Variants in CDC37L1 observed in about 807,000 individuals in gnomAD.
CDC37L1 encodes cell division cycle 37 like 1, HSP90 cochaperone.
CDC37L1 carries 32 observed loss-of-function variants against 45.9 expected under a neutral mutation model. The observed-to-expected ratio is 0.70, with a 90% CI of 0.53 to 0.94. The LOEUF (loss-of-function observed/expected upper bound fraction) is 0.94, where lower values mean the gene tolerates loss of function less well. CDC37L1 is among the 40% of genes least tolerant of loss of function. The pLI, the probability that CDC37L1 is intolerant of heterozygous loss-of-function variation, is 0.00. For missense variants in CDC37L1, 434 were observed against 405.7 expected (o/e 1.07, Z -0.60); for synonymous variants, 150 against 133.0 (o/e 1.13, Z -0.88).
At chr9:4,688,219 T>C (rs1841268475) in intron 2 of CDC37L1, among the ~76,000 whole-genome samples, 2 of 152,154 alleles carry the variant, frequency 1.3e-5, no homozygotes, top group Non-Finnish European at 2.9e-5. Flanking sequence ...AGGCTGGTCT[T>C]GAACTCCTGA....
rs761929085 is a variant in CDC37L1, at chr9:4,685,038, A to T, written c.294A>T (p.Thr98=). Residue 98 remains threonine (T), a synonymous_variant, in exon 2 of 7, where the codon ACA becomes ACT. Transcript: ENST00000381854. The stretch of plus-strand genomic sequence containing the variant: ...ATCAGGAGCATGCCAAAGCACAAAC[A>T]GCAGTATCAGAACTGAGGCAACGGG... ...SLDQEHAKAQ[T]AVSELRQREE... 1.9e-6 allele frequency: 3 copies of T among 1,614,188 alleles called. No homozygotes were observed. Among genetic ancestry groups the T allele is most frequent in the Non-Finnish European group, 2.5e-6 (3 of 1,179,988 alleles).
chr9:4,692,127 TCTGA>T (rs1218994192), intron 3 of CDC37L1, among the ~76,000 whole-genome samples: 5 of 152,328 alleles, frequency 3.3e-5, no homozygotes, highest in African/African-American at 9.6e-5. Context: ...TTTCGTTTGT[TCTGA>T]CTATGAATAT....
chr9:4,701,766 A>T (rs1841398548), intron 5 of CDC37L1, 98 bp from the exon 6 acceptor site: 2 of 768,036 alleles, frequency 2.6e-6, no homozygotes, highest in Admixed American at 6.0e-5. Flanking sequence ...CCTTGTCATT[A>T]CTTCCTCCAC....
chr9:4,681,311 A>T (rs988602726), intron 1 of CDC37L1, among the ~76,000 whole-genome samples: 24 of 152,200 alleles, frequency 1.6e-4, no homozygotes, highest in African/African-American at 5.5e-4. Flanking sequence ...GAAGTGAGTA[A>T]GCTTATCTCT....
At chr9:4,682,238 C>T (rs946048163) in intron 1 of CDC37L1, among the ~76,000 whole-genome samples, 2 of 149,904 alleles carry the variant, frequency 1.3e-5, no homozygotes, top group African/African-American at 2.5e-5. Context: ...TATTGGCTCA[C>T]CACAGCCTCC....
At chr9:4,687,375 G>T (rs886534280) in intron 2 of CDC37L1, among the ~76,000 whole-genome samples, 10 of 152,224 alleles carry the variant, frequency 6.6e-5, no homozygotes, top group African/African-American at 2.4e-4. Flanking sequence ...CTTCTAAGAA[G>T]TTTATTAGAA....
chr9:4,679,664 C>G lies in CDC37L1; in HGVS notation c.-104C>G. On this transcript the variant is annotated 5_prime_UTR_variant, in exon 1 of 7. Transcript: ENST00000381854. ...GATTCTGGGTAACGGCCCGGACCCC[C>G]GGCTGGGCTTCTGGCTCGGCGCAGC... is the stretch of plus-strand genomic sequence containing the variant. 3 of 1,115,084 alleles carry G rather than the reference C, an allele frequency of 2.7e-6. No individual in the cohort carries two copies. The highest frequency in any genetic ancestry group is 3.4e-5 in the South Asian group (2 of 57,994). The allele number at this position is 1,115,084 out of a possible 1,614,324, so 69.1% of individuals were successfully genotyped here.
intron 3 of CDC37L1, among the ~76,000 whole-genome samples, chr9:4,696,265 T>G (rs1217650382): frequency 6.6e-6 from 1 of 152,172 alleles, no homozygotes; most frequent in East Asian, 1.9e-4. Context: ...TGCTAAACTC[T>G]TGAGTCAGCT....
chr9:4,680,733 C>G (rs1587613495), intron 1 of CDC37L1, among the ~76,000 whole-genome samples: 1 of 152,186 alleles, frequency 6.6e-6, no homozygotes. Context: ...TTCAGAATCA[C>G]AGACTAAACA....
intron 6 of CDC37L1, among the ~76,000 whole-genome samples, chr9:4,703,401 G>C (rs1353000827): frequency 6.8e-6 from 1 of 147,318 alleles, no homozygotes; most frequent in African/African-American, 2.5e-5. Flanking sequence ...ATTAATGTTT[G>C]ATTTTTAAAT....
At chr9:4,682,329 A>ATTTTTTTTTTTTTTTTTTTTTTTTTTTTT (rs1313029477) in intron 1 of CDC37L1, among the ~76,000 whole-genome samples, 2 of 92,846 alleles carry the variant, frequency 2.2e-5, no homozygotes, top group African/African-American at 1.2e-4. Flanking sequence ...TGCCCAGCTA[A>ATTTTTTTTTTTTTTTTTTTTTTTTTTTTT]TTTTTTTTTT....
chr9:4,686,953 G>C (rs748405772), intron 2 of CDC37L1, among the ~76,000 whole-genome samples: 7 of 152,152 alleles, frequency 4.6e-5, no homozygotes, highest in Non-Finnish European at 8.8e-5. Context: ...TAATAGGCTG[G>C]ATATGTTAAG....
At chr9:4,686,432 A>G (rs960733112) in intron 2 of CDC37L1, among the ~76,000 whole-genome samples, 3 of 152,134 alleles carry the variant, frequency 2.0e-5, no homozygotes, top group African/African-American at 4.8e-5. Flanking sequence ...ATATCTGTAT[A>G]TATTGTTTTA....
intron 3 of CDC37L1, among the ~76,000 whole-genome samples, chr9:4,692,540 G>GATT (rs1841311377): frequency 6.6e-6 from 1 of 152,144 alleles, no homozygotes; most frequent in African/African-American, 2.4e-5. Flanking sequence ...AAAGTGCTGG[G>GATT]ATTACAGGCG....
chr9:4,691,331 C>T (rs1052526411), intron 3 of CDC37L1, among the ~76,000 whole-genome samples: 8 of 152,302 alleles, frequency 5.3e-5, no homozygotes, highest in South Asian at 2.1e-4. Context: ...TCCCACCCTC[C>T]GCCCTTCGGT....
rs113526026 is a variant in CDC37L1 at position 4,697,652 on chromosome 9, TAA to T, written c.625-104_625-103del. ...TTTGTAAAGTATTTGACTTATAACT[TAA>T]GAGAGTAAAATCAAAAGTATTTTAA... On this transcript the variant is annotated intron_variant, in intron 4 of 6. Coordinates refer to ENST00000381854, the MANE Select transcript of CDC37L1 (RefSeq NM_017913.4). The T allele has an allele frequency of 0.012, 7,544 of 617,590 alleles. 449 individuals carry two copies. In the African/African-American group the frequency reaches 0.13, roughly 10 times the overall value. 38.3% of individuals were successfully genotyped at this position (617,590 alleles called of 1,614,324 possible).
intron 1 of CDC37L1, among the ~76,000 whole-genome samples, 185 bp from the exon 2 acceptor site, chr9:4,684,692 A>C (rs1324370258): frequency 1.3e-5 from 2 of 152,236 alleles, no homozygotes; most frequent in African/African-American, 4.8e-5. Flanking sequence ...AAATTAACAA[A>C]GAAGTTTAGA....
At chr9:4,683,416 C>A (rs1329136005) in intron 1 of CDC37L1, among the ~76,000 whole-genome samples, 1 of 151,814 alleles carries the variant, frequency 6.6e-6, no homozygotes, top group Non-Finnish European at 1.5e-5. Flanking sequence ...GACACTGGGT[C>A]AGAAAAAGTT....
rs1195263670 is a variant in CDC37L1 at position 4,701,930 on chromosome 9, C to T, written c.814C>T (p.Leu272Phe). ...ELEAFKSRVR[L>F]YSQSQSFQPM... ...TGAAGCTTTCAAGTCAAGAGTAAGA[C>T]TTTATTCTCAATCACAAAGTTTTCA... The change falls in exon 6 of 7, where the codon CTT becomes TTT. Residue 272 changes from leucine to phenylalanine, a missense_variant. Physicochemically the swap from Leu to Phe is conservative, Grantham distance 22 (BLOSUM62 0). Transcript: ENST00000381854. 6.3e-7 allele frequency: 1 copy of T among 1,596,614 alleles called. No homozygotes were observed. Among genetic ancestry groups the T allele is most frequent in the Non-Finnish European group, 8.5e-7 (1 of 1,172,354 alleles).
Sources: allele counts gnomAD v4.1 joint callset (sites outside exome capture counted in the v4.1 genomes callset), GRCh38; gene constraint gnomAD v4.1.1; transcripts MANE v1.5; gene names NCBI Gene and HGNC (gene_info 2026-07-23, HGNC 2026-07-21).